Variants in GREB1 observed in about 807,000 individuals in gnomAD.
GREB1 encodes protein GREB1.
A neutral mutation model predicts 200.7 loss-of-function variants in GREB1; 106 were observed. The ratio of observed to expected loss-of-function variants is 0.53; its 90% CI spans 0.45 to 0.62. GREB1 has a LOEUF of 0.62. Ranked by LOEUF, GREB1 falls within the 20% of genes least tolerant of loss-of-function variation. The pLI is 0.00. For synonymous variants in GREB1, 1,132 were observed against 1,092.4 expected (o/e 1.04, Z -0.72); for missense variants, 2,243 against 2,556.8 (o/e 0.88, Z 2.65).
chr2:11,630,676 A>G (rs1330283913), intron 26 of GREB1, among the ~76,000 whole-genome samples: 1 of 152,172 alleles, frequency 6.6e-6, no homozygotes, highest in East Asian at 1.9e-4. Flanking sequence ...CATGTCATCT[A>G]TCTATACATA....
intron 24 of GREB1, 26 bp from the exon 25 acceptor site, chr2:11,626,936 T>G: frequency 1.2e-6 from 2 of 1,613,904 alleles, no homozygotes; most frequent in Non-Finnish European, 1.7e-6. Flanking sequence ...CCCTGCTGCT[T>G]TTTAATCCTG....
chr2:11,513,812 G>A (rs943589368), intron 1 of GREB1, among the ~76,000 whole-genome samples: 5 of 152,168 alleles, frequency 3.3e-5, no homozygotes, highest in African/African-American at 1.2e-4. Flanking sequence ...GGACATCCTG[G>A]CTTGGTAGGA....
At chr2:11,627,129 G>A in intron 25 of GREB1, 25 bp downstream of exon 25, 1 of 1,551,112 alleles carries the variant, frequency 6.4e-7, no homozygotes, top group Non-Finnish European at 8.7e-7. Context: ...TTCCCCACCA[G>A]GCATTTCACC....
chr2:11,531,933 A>C (rs972534070), upstream of GREB1, among the ~76,000 whole-genome samples: 1 of 152,118 alleles, frequency 6.6e-6, no homozygotes, highest in African/African-American at 2.4e-5. Context: ...TCTTTTTTCT[A>C]TGCATTTAAG....
chr2:11,607,811 A>G (rs1682545943), intron 17 of GREB1, among the ~76,000 whole-genome samples: 1 of 152,066 alleles, frequency 6.6e-6, no homozygotes, highest in South Asian at 2.1e-4. Flanking sequence ...CTCTTTTCAG[A>G]AAAAGAGAGA....
rs989047502 is a variant in GREB1 at position 11,492,093 on chromosome 2, C to G, written c.-159+9712C>G. 2.6e-5 allele frequency among the ~76,000 whole-genome samples: 4 copies of G among 152,170 alleles called. No homozygotes were observed. Among genetic ancestry groups the G allele is most frequent in the Admixed American group, 2.6e-4 (4 of 15,278 alleles). On this transcript the variant is annotated intron_variant, in intron 1 of 2. Transcript: ENST00000628795. This position sits in a 1 kb window ranked among gnomAD's most constrained non-coding sequence, Gnocchi z 4.0. The stretch of plus-strand genomic sequence containing the variant: ...CTTCCCTGGATTCCCCATGGCTCTT[C>G]CAGCCGTCTGGTTGACTCCCTGCCT...
At chr2:11,571,172 A>G (rs1028631970) in intron 4 of GREB1, among the ~76,000 whole-genome samples, 4 of 152,154 alleles carry the variant, frequency 2.6e-5, no homozygotes, top group Non-Finnish European at 5.9e-5. Flanking sequence ...CAATGAGCCA[A>G]AGATGATCTT....
Position 11,595,315 on chromosome 2 carries a change from C to CA in GREB1, c.1763dup (p.Asn588LysfsTer17). 1 of 1,613,790 alleles carries CA rather than the reference C, an allele frequency of 6.2e-7. No individual in the cohort carries two copies. Among genetic ancestry groups the CA allele is most frequent in the East Asian group, 2.2e-5 (1 of 44,864 alleles). The stretch of plus-strand genomic sequence containing the variant: ...CTCCTGCGGAGTACCAGAAGGAAGT[C>CA]AATTACGAGCTGGTTACGGGGAAGG... On this transcript the variant is annotated frameshift_variant, in exon 12 of 33. Coordinates refer to ENST00000381486, the MANE Select transcript of GREB1 (RefSeq NM_014668.4). LOFTEE classifies it high-confidence loss of function.
chr2:11,552,587 G>A (rs1304327215), intron 1 of GREB1, among the ~76,000 whole-genome samples: 1 of 152,170 alleles, frequency 6.6e-6, no homozygotes, highest in Admixed American at 6.5e-5. Context: ...CGGCAGGACC[G>A]GTCTGGCCCA....
intron 1 of GREB1, among the ~76,000 whole-genome samples, chr2:11,555,334 C>G (rs944159059): frequency 6.6e-6 from 1 of 152,180 alleles, no homozygotes; most frequent in Middle Eastern, 3.4e-3. Context: ...AATGTCAGAA[C>G]AAATATCAGC....
At chr2:11,563,822 C>T (rs1272452114) in intron 3 of GREB1, among the ~76,000 whole-genome samples, 1 of 152,166 alleles carries the variant, frequency 6.6e-6, no homozygotes, top group African/African-American at 2.4e-5. Flanking sequence ...AATTATTGAA[C>T]TCTTTGCTCT....
Position 11,562,456 on chromosome 2 carries a change from C to A in GREB1, c.158-7C>A, listed in dbSNP as rs760785515. The A allele has an allele frequency of 1.1e-5, 17 of 1,611,112 alleles. No homozygotes were observed. Among genetic ancestry groups the A allele is most frequent in the South Asian group, 5.5e-5 (5 of 90,930 alleles). ...GCCTTGCTCATCACTCTTCTTCCCG[C>A]ATCTAGGTGGTAGCCGAGTGGACAA... On this transcript the variant is annotated splice_region_variant and splice_polypyrimidine_tract_variant and intron_variant, in intron 2 of 32. Transcript: ENST00000381486.
intron 3 of GREB1, among the ~76,000 whole-genome samples, chr2:11,564,678 A>AAC (rs1465042408): frequency 6.6e-6 from 1 of 152,242 alleles, no homozygotes; most frequent in Non-Finnish European, 1.5e-5. Context: ...TCAGAGAGTT[A>AAC]GGGGACCCCC....
In GREB1 at chr2:11,493,542, T is replaced by G. The variant is rs945863514; in HGVS notation, c.-159+11161T>G. ...CTTGCCCACCGCTCACCTCCTGCTG[T>G]GTGGCCTGCTTCCTAACAGGCCATG... On this transcript the variant is annotated intron_variant, in intron 1 of 2. Transcript: ENST00000628795. The surrounding 1 kb of genome is among the most constrained non-coding windows in gnomAD (Gnocchi z 4.6). 5.9e-5 allele frequency among the ~76,000 whole-genome samples: 9 copies of G among 152,216 alleles called. No individual in the cohort carries two copies. Among genetic ancestry groups the G allele is most frequent in the Admixed American group, 2.6e-4 (4 of 15,286 alleles).
At chr2:11,552,776 C>T (rs1017251777) in intron 1 of GREB1, among the ~76,000 whole-genome samples, 1 of 152,056 alleles carries the variant, frequency 6.6e-6, no homozygotes, top group African/African-American at 2.4e-5. Context: ...CTTTGGGAGG[C>T]CGAGGCGGGC....
At chr2:11,582,536 C>T (rs1257772136) in intron 7 of GREB1, among the ~76,000 whole-genome samples, 1 of 152,222 alleles carries the variant, frequency 6.6e-6, no homozygotes, top group Non-Finnish European at 1.5e-5. Flanking sequence ...GGGGCACCTG[C>T]TCTGTGCAGG....
intron 1 of GREB1, among the ~76,000 whole-genome samples, chr2:11,490,521 A>G (rs935198518): frequency 3.9e-5 from 6 of 152,162 alleles, no homozygotes; most frequent in Non-Finnish European, 7.3e-5. Flanking sequence ...AGGAATCTTC[A>G]TAAACAAATT....
In GREB1 at chr2:11,640,492, C is replaced by G; in HGVS notation, c.*38C>G. 1 of 1,609,182 alleles carries G rather than the reference C, an allele frequency of 6.2e-7. No individual in the cohort carries two copies. The highest frequency in any genetic ancestry group is 8.5e-7 in the Non-Finnish European group (1 of 1,176,290). ...CGAGTTTTCTGAAGAGATGAGTGCT[C>G]AGAGCCCTCATGCTGTTGAGGCTAA... On this transcript the variant is annotated 3_prime_UTR_variant, in exon 33 of 33. Coordinates refer to ENST00000381486, the MANE Select transcript of GREB1 (RefSeq NM_014668.4). The surrounding 1 kb of genome is among the most constrained non-coding windows in gnomAD (Gnocchi z 4.6).
At chr2:11,598,974 T>G in intron 15 of GREB1, 114 bp downstream of exon 15, 1 of 896,860 alleles carries the variant, frequency 1.1e-6, no homozygotes, top group Non-Finnish European at 1.8e-6. Context: ...ATGTTTGGGC[T>G]TGGTGTTTCT....
Sources: gnomAD v4.1 joint callset for allele counts (sites outside exome capture counted in the v4.1 genomes callset) on GRCh38, gnomAD v4.1.1 for gene constraint, Gnocchi (gnomAD v3.1) non-coding constraint, MANE v1.5 for transcripts, NCBI Gene and HGNC (gene_info 2026-07-23, HGNC 2026-07-21) for gene names.